ADAMTS5: variants seen among roughly 807,000 people sequenced by gnomAD.
The protein encoded by ADAMTS5 is ADAM metallopeptidase with thrombospondin type 1 motif 5.
Under a neutral mutation model 81.4 loss-of-function variants are expected in ADAMTS5, and 54 were observed. The observed-to-expected ratio is 0.66, with a 90% CI of 0.53 to 0.83. The LOEUF is 0.83. ADAMTS5 is among the 40% of genes least tolerant of loss of function. ADAMTS5 has a pLI of 0.00. For missense variants in ADAMTS5, 1,194 were observed against 1,229.9 expected (o/e 0.97, Z 0.44); for synonymous variants, 532 against 508.8 (o/e 1.05, Z -0.61).
intron 5 of ADAMTS5, 120 bp from the exon 6 acceptor site, chr21:26,932,299 C>T (rs1218461558): frequency 2.0e-6 from 2 of 1,010,018 alleles, no homozygotes; most frequent in East Asian, 5.3e-5. Context: ...ATCCCACAGT[C>T]TCTTTACTCA....
Position 26,922,485 on chromosome 21 carries a change from A to G in ADAMTS5, c.*1568T>C, listed in dbSNP as rs1250906341. The G allele has an allele frequency of 6.6e-6, 1 of 152,098 alleles. No individual in the cohort carries two copies. The highest frequency in any genetic ancestry group is 2.4e-5 in the African/African-American group (1 of 41,444). 9.4% of individuals were successfully genotyped at this position (152,098 alleles called of 1,614,324 possible). On this transcript the variant is annotated 3_prime_UTR_variant, in exon 8 of 8. Coordinates refer to ENST00000284987, the MANE Select transcript of ADAMTS5 (RefSeq NM_007038.5). The stretch of plus-strand genomic sequence containing the variant: ...AGGCACATTTGGCAGGATTACTATG[A>G]ATTTTTATAAAGAAAAATTGGCTTT...
intron 3 of ADAMTS5, among the ~76,000 whole-genome samples, chr21:26,938,185 A>G (rs563650000): frequency 6.6e-6 from 1 of 152,134 alleles, no homozygotes; most frequent in South Asian, 2.1e-4. Flanking sequence ...TGGAGTTTGC[A>G]GTGAGCCAAG....
At chr21:26,930,833 G>A (rs111635623) in intron 6 of ADAMTS5, among the ~76,000 whole-genome samples, 3,682 of 151,998 alleles carry the variant, frequency 0.024, 51 homozygotes, top group South Asian at 0.051. Context: ...TTGTGAATGC[G>A]TGTGTGTGTG....
At chr21:26,943,968 T>C (rs1389656932) in intron 2 of ADAMTS5, among the ~76,000 whole-genome samples, 1 of 152,202 alleles carries the variant, frequency 6.6e-6, no homozygotes, top group Non-Finnish European at 1.5e-5. Context: ...CCATATACTG[T>C]TGAAACCTCT....
chr21:26,965,822 C>T lies in ADAMTS5; in HGVS notation c.570G>A (p.Leu190=), dbSNP rs1279045042. The T allele has an allele frequency of 1.9e-6, 3 of 1,610,248 alleles. No homozygotes were observed. Among genetic ancestry groups the T allele is most frequent in the Non-Finnish European group, 2.5e-6 (3 of 1,178,644 alleles). The change falls in exon 1 of 8, where the codon CTG becomes CTA. Residue 190 remains leucine, a synonymous_variant. Coordinates refer to ENST00000284987, the MANE Select transcript of ADAMTS5 (RefSeq NM_007038.5). The part of the protein sequence containing the change: ...RVYGDGSARI[L]HVYTREGFSF... ...TGAAGCCCTCGCGGGTGTAGACGTG[C>T]AGGATCCGTGCGGACCCATCCCCGT...
intron 1 of ADAMTS5, among the ~76,000 whole-genome samples, chr21:26,964,002 T>C (rs1987584251): frequency 6.6e-6 from 1 of 152,168 alleles, no homozygotes; most frequent in Non-Finnish European, 1.5e-5. Flanking sequence ...AGGGGTGCCT[T>C]AGTAAAAATA....
chr21:26,939,377 T>C (rs891678378), intron 3 of ADAMTS5, among the ~76,000 whole-genome samples: 5 of 152,236 alleles, frequency 3.3e-5, no homozygotes, highest in African/African-American at 7.2e-5. Context: ...TCACACTCTA[T>C]TAAAGAGCAT....
chr21:26,940,176 G>C (rs561123146), intron 3 of ADAMTS5, among the ~76,000 whole-genome samples: 1 of 152,232 alleles, frequency 6.6e-6, no homozygotes, highest in African/African-American at 2.4e-5. Context: ...CATTTCTCCA[G>C]TATTGCTGAA....
intron 2 of ADAMTS5, among the ~76,000 whole-genome samples, chr21:26,945,239 C>G (rs1372733627): frequency 1.3e-5 from 2 of 151,794 alleles, no homozygotes; most frequent in Non-Finnish European, 2.9e-5. Context: ...ATATCGCACT[C>G]TACACTTCCC....
chr21:26,943,642 A>G, intron 2 of ADAMTS5, 95 bp from the exon 3 acceptor site: 1 of 1,178,374 alleles, frequency 8.5e-7, no homozygotes, highest in Non-Finnish European at 1.2e-6. Flanking sequence ...TTTTCCCCTA[A>G]TTGTAGATGA....
At chr21:26,944,063 T>C (rs940444318) in intron 2 of ADAMTS5, among the ~76,000 whole-genome samples, 1 of 152,112 alleles carries the variant, frequency 6.6e-6, no homozygotes, top group African/African-American at 2.4e-5. Flanking sequence ...GTCAAGTAAA[T>C]AGGTGGCTAA....
At chr21:26,933,856 T>C (rs1393533375) in intron 4 of ADAMTS5, among the ~76,000 whole-genome samples, 1 of 152,194 alleles carries the variant, frequency 6.6e-6, no homozygotes, top group Non-Finnish European at 1.5e-5. Flanking sequence ...ATAATTCTCT[T>C]CTAGGGACTT....
intron 1 of ADAMTS5, among the ~76,000 whole-genome samples, chr21:26,957,349 A>G (rs1458239231): frequency 6.6e-6 from 1 of 152,170 alleles, no homozygotes; most frequent in African/African-American, 2.4e-5. Context: ...GTATATGTGT[A>G]TACATATATA....
At position 26,924,282 on chromosome 21, in the gene ADAMTS5, G is replaced by A. The variant is rs769407296; in HGVS notation, c.2564C>T (p.Ser855Phe). The A allele has an allele frequency of 4.3e-6, 7 of 1,614,062 alleles. No individual in the cohort carries two copies. The Admixed American group carries it at 1.0e-4, about 23-fold the overall frequency. The change falls in exon 8 of 8, where the codon TCC becomes TTC. Residue 855 changes from serine to phenylalanine, a missense_variant. By Grantham distance (155) the Ser-to-Phe change is radical. This residue lies in a region of ADAMTS5 where 696 missense variants were observed against 817.6 expected (regional missense o/e 0.85). Coordinates refer to ENST00000284987, the MANE Select transcript of ADAMTS5 (RefSeq NM_007038.5). ...VRYSFFVPKK[S>F]TPKVNSVTSH... ...AGTGACAGAGTTTACTTTTGGAGTG[G>A]ACTTCTTGGGAACAAAAAAGCTATA...
chr21:26,965,422 T>A lies in ADAMTS5; in HGVS notation c.970A>T (p.Lys324Ter). ...TTGCTCACTTCCAGGCTCTTGTCCT[T>A]GTCGCCTAGCACCACCACCTTCACC... ...AVVKVVVLGDKDKSLEVSKNA... is the reference protein window; with the variant it reads ...AVVKVVVLGD Residue 324 changes from lysine to a stop codon, truncating the protein, a stop_gained, in exon 1 of 8, where the codon AAG becomes TAG. Transcript: ENST00000284987. LOFTEE classifies it high-confidence loss of function. 1 of 1,614,272 alleles carries A rather than the reference T, an allele frequency of 6.2e-7. No individual in the cohort carries two copies. The highest frequency in any genetic ancestry group is 8.5e-7 in the Non-Finnish European group (1 of 1,180,044).
intron 2 of ADAMTS5, among the ~76,000 whole-genome samples, chr21:26,944,356 T>G (rs1987173796): frequency 6.6e-6 from 1 of 152,186 alleles, no homozygotes; most frequent in African/African-American, 2.4e-5. Context: ...CCAGGTGATA[T>G]TTGTGCTTAA....
intron 2 of ADAMTS5, among the ~76,000 whole-genome samples, chr21:26,951,918 G>T (rs1987326632): frequency 6.6e-6 from 1 of 151,924 alleles, no homozygotes; most frequent in Non-Finnish European, 1.5e-5. Flanking sequence ...CTTTTGTCAG[G>T]CTATCTTTCC....
intron 1 of ADAMTS5, among the ~76,000 whole-genome samples, chr21:26,959,924 A>G (rs899467090): frequency 6.6e-6 from 1 of 152,168 alleles, no homozygotes; most frequent in Admixed American, 6.5e-5. Context: ...TTCTTAGAGC[A>G]CAGATCTTAT....
chr21:26,929,821 A>C, intron 7 of ADAMTS5, 65 bp downstream of exon 7: 1 of 1,509,428 alleles, frequency 6.6e-7, no homozygotes, highest in Non-Finnish European at 9.0e-7. Context: ...ATCCTCCTTT[A>C]TCAATTCTGC....
Sources: gnomAD v4.1 joint callset for allele counts (sites outside exome capture counted in the v4.1 genomes callset) on GRCh38, gnomAD v4.1.1 for gene constraint, gnomAD v4.1.1 regional missense constraint, MANE v1.5 for transcripts, NCBI Gene and HGNC (gene_info 2026-07-23, HGNC 2026-07-21) for gene names.